The following NRXN1 variants were observed in gnomAD, a reference collection of about 807,000 sequenced individuals.
NRXN1 encodes neurexin-1.
NRXN1 carries 39 observed loss-of-function variants against 150.9 expected under a neutral mutation model. The ratio of observed to expected loss-of-function variants is 0.26; its 90% CI spans 0.20 to 0.34. The LOEUF (loss-of-function observed/expected upper bound fraction) is 0.34, where lower values mean the gene tolerates loss of function less well. NRXN1 is among the 10% of genes least tolerant of loss of function. The probability of loss-of-function intolerance (pLI) is 1.00; values close to 1 mark genes in which losing one functional copy is unlikely to be tolerated. For missense variants in NRXN1, 1,815 were observed against 1,949.9 expected, an observed-to-expected ratio of 0.93 and a Z score of 1.30; for synonymous variants, 924 against 757.0, an observed-to-expected ratio of 1.22 and a Z score of -3.62.
chr2:50,408,839 CT>C (rs2082941101), intron 17 of NRXN1, among the ~76,000 whole-genome samples: 1 of 10,314 alleles, frequency 9.7e-5, no homozygotes, highest in Non-Finnish European at 2.1e-4. Flanking sequence ...CAATCTCAAT[CT>C]CTCTCTCTCT....
chr2:50,778,836 G>A (rs1057053019), intron 5 of NRXN1, among the ~76,000 whole-genome samples: 1 of 151,936 alleles, frequency 6.6e-6, no homozygotes, highest in Non-Finnish European at 1.5e-5. Flanking sequence ...CTTTAAAACT[G>A]GCAAATAATA....
Position 50,517,165 on chromosome 2 carries a change from A to G in NRXN1, c.2375-10548T>C, listed in dbSNP as rs186058571. The stretch of plus-strand genomic sequence containing the variant: ...GGGTTTCATGCATCTTAATAACTCA[A>G]AACTACTTTTAATCAAAGGTTTAAT... On this transcript the variant is annotated intron_variant, in intron 12 of 22. Transcript: ENST00000401669. Among the ~76,000 whole-genome samples the G allele has an allele frequency of 4.6e-5, 7 of 152,250 alleles. 1 individual carries two copies. Among genetic ancestry groups the G allele is most frequent in the African/African-American group, 1.4e-4 (6 of 41,552 alleles).
chr2:50,097,252 G>A (rs1253581926), intron 18 of NRXN1, among the ~76,000 whole-genome samples: 1 of 152,172 alleles, frequency 6.6e-6, no homozygotes, highest in Non-Finnish European at 1.5e-5. Context: ...ACTCAGGAGG[G>A]CATGTAGATT....
chr2:50,754,617 G>T (rs921847089), intron 5 of NRXN1, among the ~76,000 whole-genome samples: 1 of 151,784 alleles, frequency 6.6e-6, no homozygotes, highest in Non-Finnish European at 1.5e-5. Flanking sequence ...CATATTGTTT[G>T]CTGTGGTTCT....
chr2:50,038,760 T>TC (rs1308069401), intron 21 of NRXN1, among the ~76,000 whole-genome samples: 1 of 63,526 alleles, frequency 1.6e-5, no homozygotes, highest in Non-Finnish European at 3.3e-5. Context: ...CCTCCCTCCC[T>TC]CCCTCCCTCC....
At chr2:50,849,768 T>C (rs1674234034) in intron 5 of NRXN1, among the ~76,000 whole-genome samples, 1 of 152,192 alleles carries the variant, frequency 6.6e-6, no homozygotes, top group African/African-American at 2.4e-5. Flanking sequence ...TAAGATCCTG[T>C]AACTATTTTA....
chr2:49,984,177 G>GA (rs779705727), intron 21 of NRXN1, among the ~76,000 whole-genome samples: 3 of 149,982 alleles, frequency 2.0e-5, no homozygotes, highest in African/African-American at 4.9e-5. Flanking sequence ...AAAAAATTAA[G>GA]AAAAAAAAAT....
chr2:50,440,904 G>C (rs1223867722), intron 17 of NRXN1, among the ~76,000 whole-genome samples: 1 of 152,064 alleles, frequency 6.6e-6, no homozygotes, highest in Non-Finnish European at 1.5e-5. Context: ...CATCCATTGT[G>C]ACACAGGTGA....
At chr2:49,942,228 G>A (rs1261070866) in intron 22 of NRXN1, among the ~76,000 whole-genome samples, 1 of 152,044 alleles carries the variant, frequency 6.6e-6, no homozygotes, top group Non-Finnish European at 1.5e-5. Context: ...GCACTGTGGA[G>A]CCAAGAGGAA....
chr2:49,944,334 C>A (rs747271034), intron 21 of NRXN1, among the ~76,000 whole-genome samples: 2 of 152,132 alleles, frequency 1.3e-5, no homozygotes, highest in Non-Finnish European at 2.9e-5. Flanking sequence ...GAAATACAAT[C>A]CATTTAAGAC....
chr2:50,735,223 A>C (rs1441990052), intron 5 of NRXN1, among the ~76,000 whole-genome samples: 1 of 151,538 alleles, frequency 6.6e-6, no homozygotes, highest in African/African-American at 2.4e-5. Flanking sequence ...TACCTTTATA[A>C]TTTTTTTTTA....
In NRXN1 at chr2:50,792,676, C is replaced by CT. The variant is rs201162796; in HGVS notation, c.832+129192dup. 2.5e-3 allele frequency among the ~76,000 whole-genome samples: 380 copies of CT among 151,042 alleles called. 1 individual carries two copies. The highest frequency in any genetic ancestry group is 7.8e-3 in the African/African-American group (321 of 41,244). ...ACCTTCCATTTTACCAAAAACAGAA[C>CT]TTTTTTTTTATCACAAGAGAAGGGT... On this transcript the variant is annotated intron_variant, in intron 5 of 22. Coordinates refer to ENST00000401669, the MANE Select transcript of NRXN1 (RefSeq NM_001330078.2).
intron 2 of NRXN1, among the ~76,000 whole-genome samples, chr2:51,013,150 G>A (rs1668147284): frequency 6.6e-6 from 1 of 152,148 alleles, no homozygotes; most frequent in Non-Finnish European, 1.5e-5. Flanking sequence ...GGAAGTGCAA[G>A]GTGAGTCTGC....
intron 5 of NRXN1, among the ~76,000 whole-genome samples, chr2:50,879,421 G>A: frequency 6.6e-6 from 1 of 151,806 alleles, no homozygotes; most frequent in East Asian, 1.9e-4. Context: ...CTAGACATTA[G>A]TCAAGAGAGT....
intron 21 of NRXN1, among the ~76,000 whole-genome samples, chr2:50,035,192 T>C (rs1181893975): frequency 6.6e-6 from 1 of 152,136 alleles, no homozygotes; most frequent in Non-Finnish European, 1.5e-5. Context: ...TTTCAAAACA[T>C]ATCTTTTTAT....
At chr2:50,739,425 A>T (rs1574303352) in intron 5 of NRXN1, among the ~76,000 whole-genome samples, 1 of 152,132 alleles carries the variant, frequency 6.6e-6, no homozygotes, top group Admixed American at 6.6e-5. Flanking sequence ...ACCACAAAAA[A>T]TGTCTATTAT....
At position 50,773,108 on chromosome 2, in the gene NRXN1, C is replaced by T. The variant is rs373115229; in HGVS notation, c.832+148761G>A. Among the ~76,000 whole-genome samples, 13 of 152,212 alleles carry T rather than the reference C, an allele frequency of 8.5e-5. No individual in the cohort carries two copies. The East Asian group carries it at 1.2e-3, about 14-fold the overall frequency. ...TTTACCTACCTAATTTCCTTTCCCA[C>T]TCACCCATAATATTTCCTGTTTCTA... is the stretch of plus-strand genomic sequence containing the variant. On this transcript the variant is annotated intron_variant, in intron 5 of 22. Coordinates refer to ENST00000401669, the MANE Select transcript of NRXN1 (RefSeq NM_001330078.2).
intron 18 of NRXN1, among the ~76,000 whole-genome samples, chr2:50,124,829 T>A (rs2152740776): frequency 6.6e-6 from 1 of 152,254 alleles, no homozygotes; most frequent in African/African-American, 2.4e-5. Context: ...CACTACCACA[T>A]CTTTAGTCTT....
intron 21 of NRXN1, among the ~76,000 whole-genome samples, chr2:49,957,911 A>G (rs910372958): frequency 6.6e-6 from 1 of 152,164 alleles, no homozygotes; most frequent in Non-Finnish European, 1.5e-5. Context: ...TGGGGCAGAT[A>G]AAAATAACAG....
Sources: allele counts gnomAD v4.1 joint callset (sites outside exome capture counted in the v4.1 genomes callset), GRCh38; gene constraint gnomAD v4.1.1; transcripts MANE v1.5; gene names NCBI Gene and HGNC (gene_info 2026-07-23, HGNC 2026-07-21).